Variants in CPVL observed in about 807,000 individuals in gnomAD.
CPVL encodes probable serine carboxypeptidase CPVL.
A neutral mutation model predicts 63.7 loss-of-function variants in CPVL; 51 were observed. The ratio of observed to expected loss-of-function variants is 0.80; its 90% CI spans 0.64 to 1.01. CPVL has a LOEUF of 1.01. Ranked by LOEUF, CPVL falls within the 50% of genes least tolerant of loss-of-function variation. CPVL has a pLI of 0.00. For synonymous variants in CPVL, 195 were observed against 206.0 expected (o/e 0.95, Z 0.46); for missense variants, 530 against 573.1 (o/e 0.92, Z 0.77).
At chr7:29,082,142 C>T (rs148649285) in intron 7 of CPVL, among the ~76,000 whole-genome samples, 65 of 152,010 alleles carry the variant, frequency 4.3e-4, no homozygotes, top group African/African-American at 1.5e-3. Context: ...CTTGAAAAAT[C>T]TAGAACAATT....
chr7:29,020,048 TGACTGGCG>T (rs1786806553), intron 12 of CPVL, among the ~76,000 whole-genome samples: 1 of 152,240 alleles, frequency 6.6e-6, no homozygotes, highest in Non-Finnish European at 1.5e-5. Flanking sequence ...CACCAGTTTC[TGACTGGCG>T]GCCAATTCCT....
chr7:29,108,507 C>G (rs563871162), intron 3 of CPVL, among the ~76,000 whole-genome samples: 1 of 152,114 alleles, frequency 6.6e-6, no homozygotes. Flanking sequence ...TCAGGTCCTT[C>G]TAATTTACAA....
intron 1 of CPVL, among the ~76,000 whole-genome samples, chr7:29,125,939 A>G (rs1425409475): frequency 6.6e-6 from 1 of 152,206 alleles, no homozygotes; most frequent in Non-Finnish European, 1.5e-5. Flanking sequence ...GTAAGACAGT[A>G]ACTTCTCTGG....
intron 12 of CPVL, among the ~76,000 whole-genome samples, chr7:28,999,934 G>C (rs1390964703): frequency 6.6e-6 from 1 of 152,108 alleles, no homozygotes; most frequent in Non-Finnish European, 1.5e-5. Flanking sequence ...ACAAATCAAA[G>C]ATAACAGACC....
chr7:29,028,570 G>C (rs537611536), intron 12 of CPVL, among the ~76,000 whole-genome samples: 22 of 152,278 alleles, frequency 1.4e-4, no homozygotes, highest in African/African-American at 4.8e-4. Context: ...TAGAATAGGA[G>C]AAAATATCTG....
intron 1 of CPVL, among the ~76,000 whole-genome samples, chr7:29,129,433 C>T (rs895784106): frequency 1.3e-5 from 2 of 150,908 alleles, no homozygotes; most frequent in African/African-American, 2.4e-5. Context: ...TCTTTGCAGA[C>T]GTAGTAAGGT....
chr7:29,171,769 T>A (rs1276425021), intron 5 of CPVL, among the ~76,000 whole-genome samples: 2 of 152,206 alleles, frequency 1.3e-5, no homozygotes, highest in Non-Finnish European at 2.9e-5. Context: ...CATAATATAA[T>A]ACATGCCTAT....
chr7:29,046,037 TGACAGG>T (rs1468308841), intron 11 of CPVL, among the ~76,000 whole-genome samples: 2 of 151,620 alleles, frequency 1.3e-5, no homozygotes, highest in Non-Finnish European at 2.9e-5. Flanking sequence ...GAATGATAAG[TGACAGG>T]GAAATGTAAC....
chr7:29,052,957 CAAAT>C (rs935319276), intron 11 of CPVL, among the ~76,000 whole-genome samples: 3 of 152,044 alleles, frequency 2.0e-5, no homozygotes, highest in Non-Finnish European at 2.9e-5. Context: ...TAATAAAAAA[CAAAT>C]AACCCAATTA....
At chr7:29,194,958 A>G in intron 1 of CPVL, 2 of 1,582,978 alleles carry the variant, frequency 1.3e-6, no homozygotes, top group Middle Eastern at 1.7e-4. Flanking sequence ...GCGTCCAGCA[A>G]CTCCAGCCTG....
intron 12 of CPVL, among the ~76,000 whole-genome samples, chr7:29,003,061 C>G (rs1784813705): frequency 7.5e-6 from 1 of 132,612 alleles, no homozygotes; most frequent in East Asian, 2.3e-4. Flanking sequence ...CTCTATGAAT[C>G]CTAGATAGAA....
intron 12 of CPVL, among the ~76,000 whole-genome samples, chr7:29,006,618 A>T (rs1475157651): frequency 6.6e-6 from 1 of 152,220 alleles, no homozygotes; most frequent in Admixed American, 6.5e-5. Flanking sequence ...GGAGAACTCC[A>T]GACCAGACAG....
rs374473071 is a variant in CPVL at position 29,104,008 on chromosome 7, C to T, written c.289-7791G>A. On this transcript the variant is annotated intron_variant, in intron 3 of 12. Coordinates refer to ENST00000265394, the MANE Select transcript of CPVL (RefSeq NM_031311.5). ...AGTTCAGCTAATACTTTAGCTGCTA[C>T]ACTAATGGTATTAATCAAGGCAGAG... Among the ~76,000 whole-genome samples the T allele has an allele frequency of 2.0e-4, 31 of 152,286 alleles. No homozygotes were observed. In the East Asian group the frequency reaches 5.6e-3, roughly 27 times the overall value.
At chr7:29,014,204 CCT>C (rs755328456) in intron 12 of CPVL, among the ~76,000 whole-genome samples, 80 of 152,250 alleles carry the variant, frequency 5.3e-4, no homozygotes, top group Non-Finnish European at 1.0e-3. Context: ...GAACTTTGCC[CCT>C]GTCTGGAAGA....
chr7:29,174,138 CCG>C (rs1796962817), intron 5 of CPVL, among the ~76,000 whole-genome samples: 1 of 151,950 alleles, frequency 6.6e-6, no homozygotes, highest in Admixed American at 6.6e-5. Flanking sequence ...AGAGACCCCC[CCG>C]TTTGGTGGCA....
At chr7:29,029,225 T>C (rs999867465) in intron 12 of CPVL, among the ~76,000 whole-genome samples, 1 of 151,406 alleles carries the variant, frequency 6.6e-6, no homozygotes, top group African/African-American at 2.4e-5. Flanking sequence ...AGTACAGCCA[T>C]TATAGAAAAC....
chr7:29,170,961 A>G (rs746407486), intron 5 of CPVL, among the ~76,000 whole-genome samples: 11 of 152,270 alleles, frequency 7.2e-5, no homozygotes, highest in Middle Eastern at 3.4e-3. Flanking sequence ...CCATGCTTCA[A>G]TTACCTCCCA....
At chr7:29,029,630 G>C (rs1787828091) in intron 12 of CPVL, among the ~76,000 whole-genome samples, 1 of 152,194 alleles carries the variant, frequency 6.6e-6, no homozygotes, top group Non-Finnish European at 1.5e-5. Flanking sequence ...AGAATAGAAT[G>C]ATAGTTACCA....
chr7:29,043,994 C>CATGATGATGATG (rs369477733), intron 11 of CPVL, among the ~76,000 whole-genome samples: 3 of 151,922 alleles, frequency 2.0e-5, no homozygotes, highest in East Asian at 1.9e-4. Flanking sequence ...AGACTCAAAT[C>CATGATGATGATG]ATGATGATGA....
Sources: gnomAD v4.1 joint callset for allele counts (sites outside exome capture counted in the v4.1 genomes callset) on GRCh38, gnomAD v4.1.1 for gene constraint, MANE v1.5 for transcripts, NCBI Gene and HGNC (gene_info 2026-07-23, HGNC 2026-07-21) for gene names.